The following MKNK1 variants were observed in gnomAD, a reference collection of about 807,000 sequenced individuals.
The protein encoded by MKNK1 is MAPK interacting serine/threonine kinase 1, also known as MAP kinase-interacting serine/threonine-protein kinase 1.
A neutral mutation model predicts 49.3 loss-of-function variants in MKNK1; 30 were observed. The observed-to-expected ratio is 0.61, with a 90% CI of 0.46 to 0.83. The LOEUF is 0.83. MKNK1 is among the 40% of genes least tolerant of loss of function. MKNK1 has a pLI of 0.00. For synonymous variants in MKNK1, 176 were observed against 201.7 expected (o/e 0.87, Z 1.08); for missense variants, 423 against 524.7 (o/e 0.81, Z 1.89).
chr1:46,588,251 C>CT (rs1300784249), intron 2 of MKNK1, among the ~76,000 whole-genome samples: 1 of 152,152 alleles, frequency 6.6e-6, no homozygotes, highest in Non-Finnish European at 1.5e-5. Context: ...TCAGTATTCT[C>CT]TAAATTGTAC....
At chr1:46,596,382 T>C (rs1674066962) in intron 1 of MKNK1, among the ~76,000 whole-genome samples, 1 of 152,238 alleles carries the variant, frequency 6.6e-6, no homozygotes, top group Non-Finnish European at 1.5e-5. Context: ...AAAAGTACAT[T>C]AGTTTGCATC....
At chr1:46,561,456 A>G (rs1471552637) in intron 11 of MKNK1, 22 bp downstream of exon 11, 4 of 1,584,494 alleles carry the variant, frequency 2.5e-6, no homozygotes, top group Non-Finnish European at 3.4e-6. Flanking sequence ...GGTGGAAAAC[A>G]CCCCTCCCTG....
chr1:46,572,737 C>CA (rs1046415199), intron 6 of MKNK1, among the ~76,000 whole-genome samples: 1 of 152,048 alleles, frequency 6.6e-6, no homozygotes, highest in Non-Finnish European at 1.5e-5. Context: ...TAAATAGGGC[C>CA]AAAAAACACT....
At chr1:46,580,839 C>A (rs1557866656) in intron 3 of MKNK1, among the ~76,000 whole-genome samples, 1 of 152,192 alleles carries the variant, frequency 6.6e-6, no homozygotes, top group African/African-American at 2.4e-5. Flanking sequence ...TCCTGTTCCT[C>A]ATTTTAGCGA....
chr1:46,601,475 CCT>C (rs1674723442), intron 1 of MKNK1, among the ~76,000 whole-genome samples: 1 of 152,204 alleles, frequency 6.6e-6, no homozygotes, highest in South Asian at 2.1e-4. Flanking sequence ...TGAGCTTTCC[CCT>C]GTTTGAACTG....
At chr1:46,571,763 T>A (rs1402658416) in intron 7 of MKNK1, among the ~76,000 whole-genome samples, 1 of 152,130 alleles carries the variant, frequency 6.6e-6, no homozygotes, top group Non-Finnish European at 1.5e-5. Flanking sequence ...AGAAACATCA[T>A]CCACACACAG....
At position 46,566,636 on chromosome 1, in the gene MKNK1, G is replaced by A. The variant is rs80331051; in HGVS notation, c.514-1500C>T. ...TGAGGGTTACGATTTCTCCATAACC[G>A]TAACAACACTTACTATTTTCCATTT... On this transcript the variant is annotated intron_variant, in intron 8 of 12. Transcript: ENST00000371945. 1.9e-3 allele frequency among the ~76,000 whole-genome samples: 285 copies of A among 152,260 alleles called. 8 individuals carry two copies. In the East Asian group the frequency reaches 0.049, roughly 26 times the overall value.
At chr1:46,583,408 G>T (rs1239436535) in intron 2 of MKNK1, 79 bp from the exon 3 acceptor site, 4 of 1,065,940 alleles carry the variant, frequency 3.8e-6, no homozygotes, top group Non-Finnish European at 4.2e-6. Flanking sequence ...AAAAAAAAAA[G>T]GTAGTGGGGG....
chr1:46,603,849 C>T (rs556619912), intron 1 of MKNK1, among the ~76,000 whole-genome samples: 1 of 152,330 alleles, frequency 6.6e-6, no homozygotes, highest in Admixed American at 6.5e-5. Context: ...TTCACAAATT[C>T]CTCACGTGAA....
chr1:46,600,649 A>C (rs1001636514), intron 1 of MKNK1, among the ~76,000 whole-genome samples: 1 of 152,208 alleles, frequency 6.6e-6, no homozygotes, highest in African/African-American at 2.4e-5. Context: ...AGCTCTTTGG[A>C]GAACTGTTCC....
rs755459631 is a variant in MKNK1, at chr1:46,594,182, T to C, written c.-72A>G. ...GAAATCCCAAATGAAATAAAGCTCC[T>C]GTCAGGAAGTTGGTGTCTTCCAGCT... On this transcript the variant is annotated 5_prime_UTR_variant, in exon 2 of 13. Coordinates refer to ENST00000371945, the MANE Select transcript of MKNK1 (RefSeq NM_001135553.4). 6.6e-5 allele frequency: 105 copies of C among 1,594,094 alleles called. No homozygotes were observed. The highest frequency in any genetic ancestry group is 8.8e-5 in the Non-Finnish European group (102 of 1,162,030).
rs1018001085 is a variant in MKNK1, at chr1:46,561,726, A to C, written c.805-84T>G. ...TCATTGTTTTGATCAACCGGCTTCA[A>C]TTGATCTCAGCTGTAGCTGCAGCTC... is the stretch of plus-strand genomic sequence containing the variant. On this transcript the variant is annotated intron_variant, in intron 10 of 12. Transcript: ENST00000371945. The C allele has an allele frequency of 4.0e-6, 6 of 1,482,008 alleles. No homozygotes were observed. The Admixed American group carries it at 9.3e-5, about 23-fold the overall frequency. The allele number at this position is 1,482,008 out of a possible 1,614,324, so 91.8% of individuals were successfully genotyped here. A position where few individuals can be genotyped will look rare whatever the true frequency, so the allele number is the denominator to read the frequency against.
intron 1 of MKNK1, among the ~76,000 whole-genome samples, chr1:46,596,041 C>A (rs1674022043): frequency 6.6e-6 from 1 of 152,260 alleles, no homozygotes; most frequent in Non-Finnish European, 1.5e-5. Flanking sequence ...AGCCACCACG[C>A]CTGGCCTTGA....
At chr1:46,578,365 AG>A (rs1403234668) in intron 4 of MKNK1, among the ~76,000 whole-genome samples, 1 of 152,124 alleles carries the variant, frequency 6.6e-6, no homozygotes, top group Non-Finnish European at 1.5e-5. Context: ...TTGAAAGAGT[AG>A]GGGAGAGAAG....
chr1:46,565,062 G>T lies in MKNK1; in HGVS notation c.588C>A (p.Thr196=). 1 of 1,614,178 alleles carries T rather than the reference G, an allele frequency of 6.2e-7. No homozygotes were observed. ...MKLNNSCTPI[T]TPELTTPCGS... is the part of the protein sequence containing the mutation. The stretch of plus-strand genomic sequence containing the variant: ...GTACTGGGGTGGTCAGCTCTGGTGT[G>T]GTTATGGGGGTACAGGAGTTGTTCA... The change falls in exon 9 of 13, where the codon ACC becomes ACA. Residue 196 remains threonine, a synonymous_variant. Transcript: ENST00000371945.
At position 46,580,494 on chromosome 1, in the gene MKNK1, G is replaced by T. The variant is rs777496659; in HGVS notation, c.198+36C>A. 49 of 1,402,662 alleles carry T rather than the reference G, an allele frequency of 3.5e-5. No homozygotes were observed. In the East Asian group the frequency reaches 1.1e-3, roughly 31 times the overall value. 86.9% of individuals were successfully genotyped at this position (1,402,662 alleles called of 1,614,324 possible). On this transcript the variant is annotated intron_variant, in intron 4 of 12. Coordinates refer to ENST00000371945, the MANE Select transcript of MKNK1 (RefSeq NM_001135553.4). Reference sequence around the variant, plus strand: ...CAAGATGAGCTAGGAATGACTATTTGCAAAGTAAAGCCTGGCATTCAGCTG... The same window carrying T: ...CAAGATGAGCTAGGAATGACTATTTTCAAAGTAAAGCCTGGCATTCAGCTG...
intron 4 of MKNK1, among the ~76,000 whole-genome samples, chr1:46,577,602 C>A (rs1671166503): frequency 6.6e-6 from 1 of 152,240 alleles, no homozygotes; most frequent in Non-Finnish European, 1.5e-5. Flanking sequence ...CCAGAGCTGA[C>A]TCCTAAGCCC....
chr1:46,559,173 G>A (rs138610923), intron 12 of MKNK1, among the ~76,000 whole-genome samples: 103 of 152,356 alleles, frequency 6.8e-4, no homozygotes, highest in African/African-American at 2.3e-3. Flanking sequence ...CCAGAGCAAG[G>A]CCTGCGCCGC....
At chr1:46,582,845 C>T (rs1310256393) in intron 3 of MKNK1, 2 of 470,780 alleles carry the variant, frequency 4.2e-6, no homozygotes, top group South Asian at 3.1e-5. Flanking sequence ...CGGCCATGGC[C>T]TTTGGTGTTT....
Sources: gnomAD v4.1 joint callset for allele counts (sites outside exome capture counted in the v4.1 genomes callset) on GRCh38, gnomAD v4.1.1 for gene constraint, MANE v1.5 for transcripts, NCBI Gene and HGNC (gene_info 2026-07-23, HGNC 2026-07-21) for gene names.